The following SLC11A1 variants were observed in gnomAD, a reference collection of about 807,000 sequenced individuals.
SLC11A1 encodes solute carrier family 11 member 1.
In SLC11A1, 59 loss-of-function variants were observed where a neutral mutation model predicts 63.2. The ratio of observed to expected loss-of-function variants is 0.93; its 90% CI spans 0.76 to 1.16. SLC11A1 has a LOEUF of 1.16. SLC11A1 is among the 50% of genes most tolerant of loss of function. The pLI is 0.00. For missense variants in SLC11A1, 688 were observed against 730.7 expected (o/e 0.94, Z 0.67); for synonymous variants, 305 against 307.8 (o/e 0.99, Z 0.09).
At chr2:218,386,816 C>A in intron 5 of SLC11A1, 75 bp downstream of exon 5, 1 of 1,072,552 alleles carries the variant, frequency 9.3e-7, no homozygotes, top group Non-Finnish European at 1.4e-6. Flanking sequence ...CTAACCAGTC[C>A]CTCCCAGAGT....
Position 218,383,117 on chromosome 2 carries a change from A to T in SLC11A1, c.150+15A>T. The T allele has an allele frequency of 6.2e-7, 1 of 1,612,716 alleles. No homozygotes were observed. ...ACACAAAACCGGTGGGATGCTGGAA[A>T]CTTCCTGGGGGCTTGCAAGATTGAC... On this transcript the variant is annotated intron_variant, in intron 2 of 14. Coordinates refer to ENST00000233202, the MANE Select transcript of SLC11A1 (RefSeq NM_000578.4).
intron 8 of SLC11A1, 135 bp downstream of exon 8, chr2:218,388,090 C>A: frequency 1.7e-6 from 2 of 1,149,456 alleles, no homozygotes; most frequent in Non-Finnish European, 2.4e-6. Flanking sequence ...GAGGGACAGG[C>A]GGGGCGCCAT....
intron 11 of SLC11A1, chr2:218,391,801 T>G (rs940674264): frequency 2.1e-5 from 7 of 327,294 alleles, no homozygotes; most frequent in African/African-American, 1.5e-4. Flanking sequence ...TTTTGTACTT[T>G]TAGTAGAGAC....
chr2:218,391,912 C>T (rs1341610659), intron 11 of SLC11A1: 5 of 269,702 alleles, frequency 1.9e-5, no homozygotes, highest in East Asian at 2.4e-4. Flanking sequence ...TGTGAACCAC[C>T]GCACCCGGCC....
chr2:218,393,171 C>T (rs1383226392), intron 12 of SLC11A1, 41 bp downstream of exon 12: 11 of 1,479,486 alleles, frequency 7.4e-6, no homozygotes, highest in Admixed American at 2.3e-5. Context: ...CACTGCTGAG[C>T]GAAACAGGAC....
intron 13 of SLC11A1, chr2:218,394,404 C>G (rs1043087843): frequency 7.3e-6 from 5 of 688,892 alleles, no homozygotes; most frequent in Admixed American, 5.6e-5. Context: ...GCCTGAGCGC[C>G]TCACTCTCGC....
At position 218,391,371 on chromosome 2, in the gene SLC11A1, T is replaced by C; in HGVS notation, c.1045-5T>C. The C allele has an allele frequency of 6.2e-7, 1 of 1,613,946 alleles. No individual in the cohort carries two copies. The highest frequency in any genetic ancestry group is 8.5e-7 in the Non-Finnish European group (1 of 1,179,936). ...CCACCGGTCCTACCACACTCGTCCCTGCAGGGCGTGATCCTGGGCTGCCTG... is the reference window on the plus strand; with the variant it reads ...CCACCGGTCCTACCACACTCGTCCCCGCAGGGCGTGATCCTGGGCTGCCTG... On this transcript the variant is annotated splice_region_variant and splice_polypyrimidine_tract_variant and intron_variant, in intron 10 of 14. Coordinates refer to ENST00000233202, the MANE Select transcript of SLC11A1 (RefSeq NM_000578.4).
Position 218,384,290 on chromosome 2 carries a change from C to T in SLC11A1, c.198C>T (p.Phe66=), listed in dbSNP as rs2276631. 0.25 allele frequency: 409,536 copies of T among 1,607,394 alleles called. 54,268 individuals are homozygous for T. Among genetic ancestry groups the T allele is most frequent in the Admixed American group, 0.3 (17,981 of 59,680 alleles). Residue 66 remains phenylalanine (F), a synonymous_variant, in exon 3 of 15, where the codon TTC becomes TTT. Transcript: ENST00000233202. The surrounding 1 kb of genome is among the most constrained non-coding windows in gnomAD (Gnocchi z 4.0). ...TATGGGCCTTCACGGGGCCTGGCTT[C>T]CTCATGAGCATTGCTTTCCTGGACC... is the stretch of plus-strand genomic sequence containing the variant. The part of the protein sequence containing the change: ...RKLWAFTGPG[F]LMSIAFLDPG...
intron 2 of SLC11A1, chr2:218,383,304 C>CGA: frequency 3.5e-6 from 2 of 570,804 alleles, no homozygotes; most frequent in Non-Finnish European, 6.2e-6. Context: ...TGTCTAAAAG[C>CGA]GATTAAATGA....
At position 218,385,312 on chromosome 2, in the gene SLC11A1, CCAAA is replaced by C; in HGVS notation, c.393+49_393+52del. The C allele has an allele frequency of 2.5e-6, 4 of 1,612,698 alleles. No individual in the cohort carries two copies. The South Asian group carries it at 4.4e-5, about 18-fold the overall frequency. ...CAGGGAGAACCACTGGCCCCAAACC[CCAAA>C]CAGCCATTTTCAGCTTCCACGATCA... On this transcript the variant is annotated intron_variant, in intron 4 of 14. Coordinates refer to ENST00000233202, the MANE Select transcript of SLC11A1 (RefSeq NM_000578.4).
Position 218,395,152 on chromosome 2 carries a change from T to A in SLC11A1, c.*117T>A. The A allele has an allele frequency of 1.3e-6, 1 of 753,608 alleles. No individual in the cohort carries two copies. Among genetic ancestry groups the A allele is most frequent in the Non-Finnish European group, 2.2e-6 (1 of 458,020 alleles). The allele number at this position is 753,608 out of a possible 1,614,324, so 46.7% of individuals were successfully genotyped here. A position where few individuals can be genotyped will look rare whatever the true frequency, so the allele number is the denominator to read the frequency against. ...GGACAGTTCCTGAGACCAGCCAACC[T>A]GGGGGCTTTAGGGACCTGCTGTTTC... On this transcript the variant is annotated 3_prime_UTR_variant, in exon 15 of 15. Coordinates refer to ENST00000233202, the MANE Select transcript of SLC11A1 (RefSeq NM_000578.4).
At chr2:218,394,225 C>T in intron 13 of SLC11A1, 32 bp downstream of exon 13, 5 of 1,597,176 alleles carry the variant, frequency 3.1e-6, no homozygotes, top group Non-Finnish European at 4.3e-6. Flanking sequence ...TGCTGGATTG[C>T]ATCACCACAT....
At chr2:218,385,423 C>A in intron 4 of SLC11A1, 157 bp downstream of exon 4, 1 of 1,051,668 alleles carries the variant, frequency 9.5e-7, no homozygotes, top group Non-Finnish European at 1.4e-6. Context: ...CGGAGTCTCG[C>A]TCCGTCGCCC....
rs369541991 is a variant in SLC11A1 at position 218,382,360 on chromosome 2, G to C, written c.-9G>C. 2.5e-6 allele frequency: 4 copies of C among 1,613,314 alleles called. No individual in the cohort carries two copies. The highest frequency in any genetic ancestry group is 1.7e-5 in the Admixed American group (1 of 59,924). On this transcript the variant is annotated 5_prime_UTR_variant, in exon 1 of 15. Transcript: ENST00000233202. Reference sequence around the variant, plus strand: ...TCACACTCCCAGAGTACCTGAAGTCGGCATTTCAATGACAGGTGAGTAGTG... The same window carrying C: ...TCACACTCCCAGAGTACCTGAAGTCCGCATTTCAATGACAGGTGAGTAGTG...
chr2:218,389,346 G>A (rs1483298649), intron 8 of SLC11A1, among the ~76,000 whole-genome samples: 1 of 152,068 alleles, frequency 6.6e-6, no homozygotes, highest in Non-Finnish European at 1.5e-5. Flanking sequence ...GAGAATGCTT[G>A]AGCCCAGGAG....
intron 4 of SLC11A1, 148 bp downstream of exon 4, chr2:218,385,414 G>A (rs1193658799): frequency 8.3e-6 from 10 of 1,198,100 alleles, no homozygotes; most frequent in African/African-American, 4.5e-5. Flanking sequence ...TTTTTCAGTC[G>A]GAGTCTCGCT....
At chr2:218,394,350 T>A in intron 13 of SLC11A1, 157 bp downstream of exon 13, 1 of 790,628 alleles carries the variant, frequency 1.3e-6, no homozygotes, top group South Asian at 1.7e-5. Flanking sequence ...GCTAGCAAGT[T>A]GAGGAGCCAA....
At chr2:218,391,571 G>C in intron 11 of SLC11A1, 76 bp downstream of exon 11, 1 of 1,410,348 alleles carries the variant, frequency 7.1e-7, no homozygotes, top group African/African-American at 1.5e-5. Context: ...AGAACTCCGA[G>C]CCTTGTGGGT....
Position 218,395,045 on chromosome 2 carries a change from A to G in SLC11A1, c.*10A>G, listed in dbSNP as rs767769506. The G allele has an allele frequency of 2.6e-6, 4 of 1,567,096 alleles. No homozygotes were observed. Among genetic ancestry groups the G allele is most frequent in the Non-Finnish European group, 2.6e-6 (3 of 1,147,640 alleles). On this transcript the variant is annotated 3_prime_UTR_variant, in exon 15 of 15. Coordinates refer to ENST00000233202, the MANE Select transcript of SLC11A1 (RefSeq NM_000578.4). Reference sequence around the variant, plus strand: ...GGAGACCTCTGGCTAGGCCCACACCAGGGCCTGGCTGGGAGTGGCATGTAT... The same window carrying G: ...GGAGACCTCTGGCTAGGCCCACACCGGGGCCTGGCTGGGAGTGGCATGTAT...
Sources: allele counts gnomAD v4.1 joint callset (sites outside exome capture counted in the v4.1 genomes callset), GRCh38; gene constraint gnomAD v4.1.1; non-coding constraint Gnocchi (gnomAD v3.1); transcripts MANE v1.5; gene names NCBI Gene and HGNC (gene_info 2026-07-23, HGNC 2026-07-21).